SETD2: variants seen among roughly 807,000 people sequenced by gnomAD.
SETD2 encodes the protein SET domain containing 2, histone lysine methyltransferase, also known as histone-lysine N-methyltransferase SETD2.
A neutral mutation model predicts 242.1 loss-of-function variants in SETD2; 31 were observed. That is an observed-to-expected ratio of 0.13 (90% CI 0.10 to 0.17). The LOEUF is 0.17. Among genes scored for constraint, SETD2 ranks in the 10% least tolerant of loss-of-function variants. SETD2 has a pLI of 1.00. For synonymous variants in SETD2, 1,006 were observed against 1,066.5 expected (o/e 0.94, Z 1.11); for missense variants, 2,481 against 3,046.3 (o/e 0.81, Z 4.37).
intron 11 of SETD2, among the ~76,000 whole-genome samples, chr3:47,085,790 A>C (rs2041527561): frequency 6.6e-6 from 1 of 152,198 alleles, no homozygotes; most frequent in Non-Finnish European, 1.5e-5. Flanking sequence ...AGATTCCTCA[A>C]AATGTTCATA....
At chr3:47,154,287 T>C (rs769800980) in intron 1 of SETD2, among the ~76,000 whole-genome samples, 2 of 152,016 alleles carry the variant, frequency 1.3e-5, no homozygotes, top group South Asian at 2.1e-4. Flanking sequence ...TGCGCGCCTG[T>C]AGTCCCAGCT....
rs199857380 is a variant in SETD2 at position 47,072,387 on chromosome 3, A to C, written c.6061-5269T>G. Among the ~76,000 whole-genome samples the C allele has an allele frequency of 1.5e-4, 23 of 152,348 alleles. No homozygotes were observed. The East Asian group carries it at 4.4e-3, about 29-fold the overall frequency. On this transcript the variant is annotated intron_variant, in intron 12 of 20. Transcript: ENST00000409792. ...GAGATCAGATTATCTGTTCTGTAAT[A>C]ACAGATTTATTTTTGAAAACTAAGA... is the stretch of plus-strand genomic sequence containing the variant.
Position 47,084,165 on chromosome 3 carries a change from G to C in SETD2, c.5615C>G (p.Thr1872Ser), listed in dbSNP as rs2041443174. The change falls in exon 12 of 21, where the codon ACT (threonine) becomes AGT (serine). Residue 1872 changes from threonine (T) to serine (S), a missense_variant. Physicochemically the swap from Thr to Ser is moderately conservative, Grantham distance 58 (BLOSUM62 1). This residue lies in a region of SETD2 where 203 missense variants were observed against 222.4 expected (regional missense o/e 0.91). Transcript: ENST00000409792. ...TKLSTEADTD[T>S]PKKLMFRRLK... ...TCTGCGAAACATTAGTTTCTTGGGA[G>C]TGTCTGTGTCAGCTTCTGTGCTCAG... 6.2e-7 allele frequency: 1 copy of C among 1,614,162 alleles called. No homozygotes were observed. The highest frequency in any genetic ancestry group is 8.5e-7 in the Non-Finnish European group (1 of 1,180,024).
intron 18 of SETD2, among the ~76,000 whole-genome samples, chr3:47,028,537 C>T (rs940562948): frequency 6.6e-6 from 1 of 152,128 alleles, no homozygotes; most frequent in African/African-American, 2.4e-5. Context: ...TAAGAACAGC[C>T]TCTAAAAAAT....
At chr3:47,098,427 T>A (rs969804349) in intron 8 of SETD2, 1 of 173,924 alleles carries the variant, frequency 5.7e-6, no homozygotes, top group African/African-American at 2.4e-5. Context: ...CTATTACTTA[T>A]ATGTAAATGT....
chr3:47,049,618 C>T (rs1453981962), intron 15 of SETD2, among the ~76,000 whole-genome samples: 3 of 147,078 alleles, frequency 2.0e-5, no homozygotes, highest in East Asian at 2.0e-4. Flanking sequence ...GTGATCCGCC[C>T]GCCTCAGCCT....
At chr3:47,144,773 C>T (rs998310515) in intron 1 of SETD2, among the ~76,000 whole-genome samples, 4 of 152,076 alleles carry the variant, frequency 2.6e-5, no homozygotes, top group Admixed American at 6.6e-5. Flanking sequence ...TTCATGCCAA[C>T]GTGGTTAAAA....
intron 13 of SETD2, among the ~76,000 whole-genome samples, chr3:47,066,311 A>G (rs1052760583): frequency 6.6e-6 from 1 of 152,152 alleles, no homozygotes; most frequent in Non-Finnish European, 1.5e-5. Context: ...TATGTTGTTC[A>G]AGGGTCAACT....
chr3:47,072,840 A>C (rs1477686993), intron 12 of SETD2, among the ~76,000 whole-genome samples: 1 of 151,556 alleles, frequency 6.6e-6, no homozygotes, highest in African/African-American at 2.4e-5. Flanking sequence ...TCAGCTACTC[A>C]GGAGGCTGAG....
At chr3:47,098,486 A>G (rs2042089783) in intron 8 of SETD2, 1 of 160,094 alleles carries the variant, frequency 6.2e-6, no homozygotes, top group Non-Finnish European at 1.4e-5. Context: ...AAGCAGACAT[A>G]AAATGATTAA....
chr3:47,147,833 G>GA (rs2043894673), intron 1 of SETD2, among the ~76,000 whole-genome samples: 1 of 145,114 alleles, frequency 6.9e-6, no homozygotes. Context: ...TGAAGCAGGA[G>GA]AATGGCATGA....
chr3:47,041,336 G>A (rs560452993), intron 17 of SETD2: 5 of 444,022 alleles, frequency 1.1e-5, no homozygotes, highest in African/African-American at 2.0e-5. Context: ...CTGCAGCAAA[G>A]TATAAACAAT....
rs145759179 is a variant in SETD2, at chr3:47,121,539, T to C, written c.3097A>G (p.Thr1033Ala). ...SSGHAPEIVS[T>A]VHEDYSGSSE... ...GAGCCAGAATAATCTTCATGAACTGTAGACACAATTTCTGGGGCATGACCA... is the reference window on the plus strand; with the variant it reads ...GAGCCAGAATAATCTTCATGAACTGCAGACACAATTTCTGGGGCATGACCA... The change falls in exon 3 of 21, where the codon ACA (threonine) becomes GCA (alanine). Residue 1033 changes from threonine (T) to alanine (A), a missense_variant. By Grantham distance (58) the Thr-to-Ala change is moderately conservative (BLOSUM62 0). This residue lies in a region of SETD2 where 1,300 missense variants were observed against 1,259.2 expected (regional missense o/e 1.03). Transcript: ENST00000409792. 7.1e-4 allele frequency: 1,144 copies of C among 1,614,152 alleles called. 9 individuals are homozygous for C. The highest frequency in any genetic ancestry group is 3.6e-3 in the South Asian group (329 of 91,084).
chr3:47,115,893 G>A (rs1444330194), intron 4 of SETD2, among the ~76,000 whole-genome samples: 1 of 152,098 alleles, frequency 6.6e-6, no homozygotes, highest in South Asian at 2.1e-4. Flanking sequence ...TGATCTGCCC[G>A]CCTCAGCCTC....
At chr3:47,054,677 A>G (rs2039981200) in intron 15 of SETD2, among the ~76,000 whole-genome samples, 1 of 152,206 alleles carries the variant, frequency 6.6e-6, no homozygotes, top group Admixed American at 6.5e-5. Context: ...CCACATTTTT[A>G]CTAGCCTTCT....
Position 47,126,866 on chromosome 3 carries a change from C to A in SETD2, c.72-203G>T, listed in dbSNP as rs137874720. On this transcript the variant is annotated intron_variant, in intron 1 of 20. Coordinates refer to ENST00000409792, the MANE Select transcript of SETD2 (RefSeq NM_014159.7). Reference sequence around the variant, plus strand: ...ACTCAAGATAGTGTCACATACTGTGCTAAGGGCTGGAGACCAAATTTGAAT... The same window carrying A: ...ACTCAAGATAGTGTCACATACTGTGATAAGGGCTGGAGACCAAATTTGAAT... Among the ~76,000 whole-genome samples the A allele has an allele frequency of 2.3e-4, 35 of 152,306 alleles. 1 individual carries two copies. The highest frequency in any genetic ancestry group is 3.4e-3 in the Middle Eastern group (1 of 294).
chr3:47,102,655 G>A (rs1341403568), intron 7 of SETD2, among the ~76,000 whole-genome samples: 2 of 151,700 alleles, frequency 1.3e-5, no homozygotes, highest in East Asian at 1.9e-4. Context: ...TTAGCTGGAC[G>A]TGATGGCACG....
chr3:47,059,866 C>A (rs1009601707), intron 14 of SETD2, among the ~76,000 whole-genome samples: 6 of 152,174 alleles, frequency 3.9e-5, no homozygotes, highest in African/African-American at 1.2e-4. Context: ...TCACTGCAAC[C>A]TCTGCCTCCT....
At chr3:47,048,443 C>T (rs1246424258) in intron 15 of SETD2, among the ~76,000 whole-genome samples, 1 of 152,008 alleles carries the variant, frequency 6.6e-6, no homozygotes, top group African/African-American at 2.4e-5. Context: ...ATAAACAAAG[C>T]TTGCAGGACT....
Sources: allele counts gnomAD v4.1 joint callset (sites outside exome capture counted in the v4.1 genomes callset), GRCh38; gene constraint gnomAD v4.1.1; regional missense constraint gnomAD v4.1.1; transcripts MANE v1.5; gene names NCBI Gene and HGNC (gene_info 2026-07-23, HGNC 2026-07-21).